The following OPCML variants were observed in gnomAD, a reference collection of about 807,000 sequenced individuals.
OPCML encodes the protein opioid binding protein/cell adhesion molecule like.
In OPCML, 13 loss-of-function variants were observed where a neutral mutation model predicts 37.8. The ratio of observed to expected loss-of-function variants is 0.34; its 90% CI spans 0.22 to 0.55. OPCML has a LOEUF of 0.55. Ranked by LOEUF, OPCML falls within the 20% of genes least tolerant of loss-of-function variation. The pLI is 0.91. For missense variants in OPCML, 341 were observed against 435.6 expected (o/e 0.78, Z 1.93); for synonymous variants, 176 against 168.8 (o/e 1.04, Z -0.33).
At position 132,436,093 on chromosome 11, in the gene OPCML, T is replaced by A; in HGVS notation, c.909A>T (p.Thr303=). The A allele has an allele frequency of 6.2e-7, 1 of 1,613,904 alleles. No individual in the cohort carries two copies. The highest frequency in any genetic ancestry group is 8.5e-7 in the Non-Finnish European group (1 of 1,179,890). ...NKLGNTNASI[T]LYGPGAVIDG... ...CAGGCTTCCAGCACTCACCATACAA[T>A]GTGATGCTGGCATTGGTGTTCCCAA... is the stretch of plus-strand genomic sequence containing the variant. Residue 303 remains threonine (T), a synonymous_variant, in exon 7 of 8, where the codon ACA becomes ACT. Transcript: ENST00000524381.
At chr11:132,993,207 C>T (rs897358459) in intron 1 of OPCML, among the ~76,000 whole-genome samples, 3 of 152,204 alleles carry the variant, frequency 2.0e-5, no homozygotes, top group African/African-American at 7.2e-5. Flanking sequence ...TATCTGCCCA[C>T]CCGAGGTTTG....
chr11:133,444,165 A>G (rs1204591917), intron 1 of OPCML, among the ~76,000 whole-genome samples: 1 of 152,148 alleles, frequency 6.6e-6, no homozygotes, highest in Non-Finnish European at 1.5e-5. Flanking sequence ...GTGGAAAAGC[A>G]GGCTGCAGCC....
intron 1 of OPCML, among the ~76,000 whole-genome samples, chr11:133,207,993 C>T (rs983926317): frequency 2.6e-5 from 4 of 152,184 alleles, no homozygotes; most frequent in Admixed American, 2.0e-4. Context: ...TACTTAGCAC[C>T]TCTACGCTTT....
intron 1 of OPCML, among the ~76,000 whole-genome samples, chr11:133,305,170 T>A (rs1005252433): frequency 6.6e-6 from 1 of 152,172 alleles, no homozygotes; most frequent in Non-Finnish European, 1.5e-5. Context: ...CTCACAGAGA[T>A]GTTGTGAGTA....
chr11:132,930,127 C>T (rs2136625971), intron 2 of OPCML, among the ~76,000 whole-genome samples: 1 of 152,174 alleles, frequency 6.6e-6, no homozygotes. Flanking sequence ...ACTATGGGAT[C>T]CCAAAGCAGG....
chr11:132,456,107 C>G (rs900586081), intron 4 of OPCML, among the ~76,000 whole-genome samples: 2 of 152,138 alleles, frequency 1.3e-5, no homozygotes, highest in Non-Finnish European at 2.9e-5. Flanking sequence ...TCTCTCCCAC[C>G]GTCTCTCCTC....
intron 1 of OPCML, among the ~76,000 whole-genome samples, chr11:133,128,462 C>T (rs1158989557): frequency 2.0e-5 from 3 of 152,180 alleles, no homozygotes; most frequent in Non-Finnish European, 2.9e-5. Context: ...TTGGAATCCA[C>T]TTTTCTGTAC....
At chr11:133,446,232 T>C (rs143157702) in intron 1 of OPCML, among the ~76,000 whole-genome samples, 19 of 152,314 alleles carry the variant, frequency 1.2e-4, no homozygotes, top group South Asian at 1.0e-3. Flanking sequence ...AGCCTTTTTG[T>C]AATCAGTTTT....
At chr11:132,858,114 A>G (rs990491736) in intron 2 of OPCML, among the ~76,000 whole-genome samples, 3 of 152,190 alleles carry the variant, frequency 2.0e-5, no homozygotes, top group African/African-American at 7.2e-5. Context: ...ATTGAGAAAA[A>G]CTAGGAAGGA....
chr11:132,542,388 C>T (rs1185203563), intron 3 of OPCML, among the ~76,000 whole-genome samples: 1 of 152,144 alleles, frequency 6.6e-6, no homozygotes, highest in South Asian at 2.1e-4. Context: ...TCTTGTCCCC[C>T]ATCCTAAATC....
chr11:132,884,469 G>C (rs1943334078), intron 2 of OPCML, among the ~76,000 whole-genome samples: 1 of 152,222 alleles, frequency 6.6e-6, no homozygotes, highest in African/African-American at 2.4e-5. Context: ...CCAGGGGTCA[G>C]AAAGATTGCT....
At chr11:132,784,753 A>T (rs1470088943) in intron 2 of OPCML, among the ~76,000 whole-genome samples, 1 of 152,114 alleles carries the variant, frequency 6.6e-6, no homozygotes, top group Non-Finnish European at 1.5e-5. Context: ...ATCTGTTGAA[A>T]AGAGCCTGGC....
chr11:133,416,411 C>T (rs1945766934), intron 1 of OPCML, among the ~76,000 whole-genome samples: 1 of 152,168 alleles, frequency 6.6e-6, no homozygotes, highest in Non-Finnish European at 1.5e-5. Context: ...ACCTTCCTTC[C>T]AGTCAAATAA....
intron 2 of OPCML, among the ~76,000 whole-genome samples, chr11:132,850,516 G>GGAGTGTGTGTGTGTGT (rs796790289): frequency 3.9e-4 from 58 of 148,122 alleles, no homozygotes; most frequent in African/African-American, 1.3e-3. Flanking sequence ...CTGTGGAAAG[G>GGAGTGTGTGTGTGTGT]GTGTGTGTGT....
rs77684217 is a variant in OPCML, at chr11:132,513,155, G to T, written c.505+15906C>A. Among the ~76,000 whole-genome samples the T allele has an allele frequency of 4.0e-3, 610 of 152,192 alleles. 8 individuals are homozygous for T. Among genetic ancestry groups the T allele is most frequent in the African/African-American group, 0.014 (587 of 41,542 alleles). ...ATGGTTAGTGCTGCTTAATGAAGAAGTTAAGAGAAGAAGCCTATTTGGTTT... is the reference window on the plus strand; with the variant it reads ...ATGGTTAGTGCTGCTTAATGAAGAATTTAAGAGAAGAAGCCTATTTGGTTT... On this transcript the variant is annotated intron_variant, in intron 4 of 7. Transcript: ENST00000524381.
At chr11:132,523,978 G>C (rs920406008) in intron 4 of OPCML, among the ~76,000 whole-genome samples, 1 of 152,182 alleles carries the variant, frequency 6.6e-6, no homozygotes, top group Non-Finnish European at 1.5e-5. Flanking sequence ...CTCAGTGGAG[G>C]GGAGACAGGA....
intron 1 of OPCML, among the ~76,000 whole-genome samples, chr11:133,153,740 A>G (rs1004652999): frequency 4.0e-5 from 6 of 151,410 alleles, no homozygotes; most frequent in Non-Finnish European, 5.9e-5. Context: ...TTAAAACCGG[A>G]GAAATAAGGG....
At chr11:132,890,468 T>C (rs561123964) in intron 2 of OPCML, among the ~76,000 whole-genome samples, 25 of 152,254 alleles carry the variant, frequency 1.6e-4, no homozygotes, top group Admixed American at 7.2e-4. Flanking sequence ...AGTATGCTCT[T>C]TATTTAGACA....
At chr11:133,223,101 G>C (rs905521619) in intron 1 of OPCML, among the ~76,000 whole-genome samples, 1 of 152,204 alleles carries the variant, frequency 6.6e-6, no homozygotes, top group Non-Finnish European at 1.5e-5. Context: ...GCCTCCCTGG[G>C]TGGGGACCCA....
Sources: allele counts gnomAD v4.1 joint callset (sites outside exome capture counted in the v4.1 genomes callset), GRCh38; gene constraint gnomAD v4.1.1; transcripts MANE v1.5; gene names NCBI Gene and HGNC (gene_info 2026-07-23, HGNC 2026-07-21).